Variants in SEMA3E observed in about 807,000 individuals in gnomAD.
The protein encoded by SEMA3E is semaphorin-3E.
Under a neutral mutation model 93.6 loss-of-function variants are expected in SEMA3E, and 49 were observed. That is an observed-to-expected ratio of 0.52 (90% CI 0.42 to 0.66). The LOEUF is 0.66. Ranked by LOEUF, SEMA3E falls within the 30% of genes least tolerant of loss-of-function variation. The pLI is 0.00. For synonymous variants in SEMA3E, 363 were observed against 330.7 expected, an observed-to-expected ratio of 1.10 and a Z score of -1.06; for missense variants, 906 against 964.8, an observed-to-expected ratio of 0.94 and a Z score of 0.81.
chr7:83,498,540 C>T (rs939922377), intron 1 of SEMA3E, among the ~76,000 whole-genome samples: 3 of 151,684 alleles, frequency 2.0e-5, no homozygotes, highest in African/African-American at 7.3e-5. Context: ...TGCAGTGGTG[C>T]GATCTCGGCT....
At position 83,400,030 on chromosome 7, in the gene SEMA3E, G is replaced by A; in HGVS notation, c.1364C>T (p.Thr455Ile). 15 of 1,606,092 alleles carry A rather than the reference G, an allele frequency of 9.3e-6. No individual in the cohort carries two copies. The highest frequency in any genetic ancestry group is 1.3e-5 in the Non-Finnish European group (15 of 1,172,760). Residue 455 changes from threonine to isoleucine, a missense_variant and splice_region_variant, in exon 11 of 17, where the codon ACA becomes ATA. Transcript: ENST00000643230. ...DGQYDVLFIG[T>I]DNGIVLKVIT... ...TGAGTACTTTCTCGTCTCTTTACCT[G>A]TCCCAATAAACAAGACGTCATATTG...
At position 83,597,621 on chromosome 7, in the gene SEMA3E, A is replaced by T. The variant is rs1166716806; in HGVS notation, c.115+50807T>A. Among the ~76,000 whole-genome samples the T allele has an allele frequency of 5.3e-5, 8 of 152,280 alleles. No homozygotes were observed. In the East Asian group the frequency reaches 1.4e-3, roughly 26 times the overall value. On this transcript the variant is annotated intron_variant, in intron 1 of 16. Transcript: ENST00000643230. ...CTTGCTCATTTTCAGTCAGCAATTG[A>T]TGCTACATTTTATTGGACTTATATT...
At position 83,383,771 on chromosome 7, in the gene SEMA3E, G is replaced by A. The variant is rs143980357; in HGVS notation, c.1875+1523C>T. Among the ~76,000 whole-genome samples the A allele has an allele frequency of 3.9e-5, 6 of 152,080 alleles. No individual in the cohort carries two copies. The East Asian group carries it at 1.2e-3, about 29-fold the overall frequency. On this transcript the variant is annotated intron_variant, in intron 16 of 16. Transcript: ENST00000643230. ...AGATTTCCAAATGAGGCAGATTATG[G>A]TGAGTTCCAAATTAGAAACAGAACA...
At chr7:83,374,718 C>T (rs1027504206) in intron 16 of SEMA3E, among the ~76,000 whole-genome samples, 2 of 152,020 alleles carry the variant, frequency 1.3e-5, no homozygotes, top group African/African-American at 4.8e-5. Context: ...ACAGTTCATG[C>T]ATACTCAATA....
chr7:83,527,844 A>G lies in SEMA3E; in HGVS notation c.116-37570T>C, dbSNP rs990253761. On this transcript the variant is annotated intron_variant, in intron 1 of 16. Coordinates refer to ENST00000643230, the MANE Select transcript of SEMA3E (RefSeq NM_012431.3). ...CAACTTATATCATTTGTGGCAATTA[A>G]TATAAAAATATTTACACAGTGATTA... is the stretch of plus-strand genomic sequence containing the variant. Among the ~76,000 whole-genome samples the G allele has an allele frequency of 2.6e-5, 4 of 152,056 alleles. No individual in the cohort carries two copies. The East Asian group carries it at 7.7e-4, about 29-fold the overall frequency.
intron 1 of SEMA3E, among the ~76,000 whole-genome samples, chr7:83,531,309 T>G (rs1016335067): frequency 2.0e-5 from 3 of 151,038 alleles, no homozygotes; most frequent in African/African-American, 4.8e-5. Flanking sequence ...ACAAGTTATT[T>G]GTGTGCATGT....
chr7:83,582,598 C>G (rs1792536377), intron 1 of SEMA3E, among the ~76,000 whole-genome samples: 1 of 152,012 alleles, frequency 6.6e-6, no homozygotes, highest in Non-Finnish European at 1.5e-5. Context: ...AGCAAAACTT[C>G]CCAACAGCAC....
At chr7:83,442,068 C>A (rs1214987496) in intron 4 of SEMA3E, among the ~76,000 whole-genome samples, 1 of 152,130 alleles carries the variant, frequency 6.6e-6, no homozygotes, top group Admixed American at 6.5e-5. Context: ...GTAGAATGTA[C>A]ATACATAAAC....
At chr7:83,584,976 G>C (rs568322861) in intron 1 of SEMA3E, among the ~76,000 whole-genome samples, 1 of 152,220 alleles carries the variant, frequency 6.6e-6, no homozygotes, top group South Asian at 2.1e-4. Context: ...TCCTTACCGT[G>C]AGCAAGAGTC....
Position 83,367,985 on chromosome 7 carries a change from C to A in SEMA3E, c.1929G>T (p.Arg643Ser), listed in dbSNP as rs770041522. The stretch of plus-strand genomic sequence containing the variant: ...AGGTCCCAGCATCTGATTTGTGTAA[C>A]CTTAGGAAGAGTAAACCAAGGTCCA... ...VKMDLGLLFL[R>S]LHKSDAGTYF... The change falls in exon 17 of 17, where the codon AGG becomes AGT. Residue 643 changes from arginine to serine, a missense_variant. Transcript: ENST00000643230. 3 of 1,614,012 alleles carry A rather than the reference C, an allele frequency of 1.9e-6. No homozygotes were observed. The highest frequency in any genetic ancestry group is 2.2e-5 in the South Asian group (2 of 91,084).
intron 1 of SEMA3E, among the ~76,000 whole-genome samples, chr7:83,560,625 G>T (rs1233719097): frequency 9.2e-5 from 14 of 152,050 alleles, no homozygotes; most frequent in Non-Finnish European, 1.8e-4. Context: ...CCTTTGAACT[G>T]ATTATATCAT....
chr7:83,367,896 A>C lies in SEMA3E; in HGVS notation c.2018T>G (p.Val673Gly). ...HTVRKITLEV[V>G]EEEKVEDMFN... ...CATATCCTCGACTTTCTCCTCTTCC[A>C]CTACCTCCAAGGTGATTTTACGGAC... The change falls in exon 17 of 17, where the codon GTG becomes GGG. Residue 673 changes from valine to glycine, a missense_variant. By Grantham distance (109) the Val-to-Gly change is moderately radical. Coordinates refer to ENST00000643230, the MANE Select transcript of SEMA3E (RefSeq NM_012431.3). 1 of 1,610,530 alleles carries C rather than the reference A, an allele frequency of 6.2e-7. No homozygotes were observed. Among genetic ancestry groups the C allele is most frequent in the Non-Finnish European group, 8.5e-7 (1 of 1,177,728 alleles).
Position 83,407,128 on chromosome 7 carries a change from G to C in SEMA3E, c.782C>G (p.Ala261Gly). ...KALEAENNAHAIYTRVGRLCV... is the reference protein window; with the variant it reads ...KALEAENNAHGIYTRVGRLCV... Reference sequence around the variant, plus strand: ...GAGTCGCCCGACCCTGGTGTAAATTGCGTGAGCATTGTTTTCTGCCTCCAG... The same window carrying C: ...GAGTCGCCCGACCCTGGTGTAAATTCCGTGAGCATTGTTTTCTGCCTCCAG... Residue 261 changes from alanine to glycine, a missense_variant, in exon 7 of 17, where the codon GCA (alanine) becomes GGA (glycine). Transcript: ENST00000643230. 6.2e-7 allele frequency: 1 copy of C among 1,613,530 alleles called. No homozygotes were observed. Among genetic ancestry groups the C allele is most frequent in the Non-Finnish European group, 8.5e-7 (1 of 1,179,756 alleles).
chr7:83,484,479 T>A (rs1357460554), intron 2 of SEMA3E, among the ~76,000 whole-genome samples: 1 of 152,224 alleles, frequency 6.6e-6, no homozygotes, highest in Non-Finnish European at 1.5e-5. Flanking sequence ...TCTGTTTCAA[T>A]GACCTCGTCC....
intron 16 of SEMA3E, among the ~76,000 whole-genome samples, chr7:83,374,984 A>G (rs891268363): frequency 6.6e-6 from 1 of 151,954 alleles, no homozygotes; most frequent in Non-Finnish European, 1.5e-5. Flanking sequence ...AAAAACAAAA[A>G]CTCCTGTTGT....
At chr7:83,414,585 A>T (rs938551374) in intron 5 of SEMA3E, among the ~76,000 whole-genome samples, 2 of 152,130 alleles carry the variant, frequency 1.3e-5, no homozygotes, top group Non-Finnish European at 2.9e-5. Context: ...GTGTAGGAAA[A>T]ATTCATGGAC....
chr7:83,633,159 C>T (rs757411334), intron 1 of SEMA3E, among the ~76,000 whole-genome samples: 22 of 152,086 alleles, frequency 1.4e-4, no homozygotes, highest in Non-Finnish European at 2.9e-4. Flanking sequence ...TTCCTTCCTC[C>T]TTTTCCTTCC....
intron 1 of SEMA3E, among the ~76,000 whole-genome samples, chr7:83,613,473 T>C (rs42026): frequency 0.63 from 94,970 of 151,798 alleles, 30,307 homozygotes; most frequent in African/African-American, 0.76. Flanking sequence ...TCTTTACTCA[T>C]TTCATCTAAA....
intron 1 of SEMA3E, among the ~76,000 whole-genome samples, chr7:83,624,642 A>C (rs759913515): frequency 3.9e-5 from 6 of 152,196 alleles, no homozygotes; most frequent in Non-Finnish European, 7.4e-5. Flanking sequence ...TCAGATGGAA[A>C]GTTTGCAAAA....
Sources: gnomAD v4.1 joint callset for allele counts (sites outside exome capture counted in the v4.1 genomes callset) on GRCh38, gnomAD v4.1.1 for gene constraint, MANE v1.5 for transcripts, NCBI Gene and HGNC (gene_info 2026-07-23, HGNC 2026-07-21) for gene names.